The following NCALD variants were observed in gnomAD, a reference collection of about 807,000 sequenced individuals.
The protein encoded by NCALD is neurocalcin-delta.
NCALD carries 10 observed loss-of-function variants against 18.6 expected under a neutral mutation model. The observed-to-expected ratio is 0.54, with a 90% CI of 0.33 to 0.91. NCALD has a LOEUF of 0.91. Among genes scored for constraint, NCALD ranks in the 40% least tolerant of loss-of-function variants. NCALD has a pLI of 0.03. For synonymous variants in NCALD, 88 were observed against 87.4 expected, an observed-to-expected ratio of 1.01 and a Z score of -0.04; for missense variants, 184 against 247.6, an observed-to-expected ratio of 0.74 and a Z score of 1.72.
chr8:101,940,355 C>T (rs1035686949), intron 2 of NCALD, among the ~76,000 whole-genome samples: 2 of 152,132 alleles, frequency 1.3e-5, no homozygotes, highest in African/African-American at 2.4e-5. Context: ...TTTAGCGACA[C>T]CCTTATGTGG....
intron 2 of NCALD, among the ~76,000 whole-genome samples, chr8:101,938,768 T>A (rs1294651106): frequency 2.0e-5 from 3 of 152,108 alleles, no homozygotes; most frequent in Non-Finnish European, 4.4e-5. Flanking sequence ...GAAGCTGAGG[T>A]CAGACCCTCA....
chr8:101,692,031 A>G (rs1814753066), intron 3 of NCALD: 1 of 979,904 alleles, frequency 1.0e-6, no homozygotes, highest in African/African-American at 1.7e-5. Context: ...TTTGAATTTC[A>G]GATAAACAGC....
intron 1 of NCALD, among the ~76,000 whole-genome samples, chr8:102,049,494 G>A (rs1460875767): frequency 6.6e-6 from 1 of 152,200 alleles, no homozygotes; most frequent in Non-Finnish European, 1.5e-5. Flanking sequence ...CAACGTTGCT[G>A]TAAACATTCA....
chr8:101,801,014 G>A lies in NCALD; in HGVS notation c.-19-81366C>T, dbSNP rs79844663. On this transcript the variant is annotated intron_variant, in intron 4 of 6. Transcript: ENST00000311028. ...AAGAGGAAGGAAAGAAAACAAGGAA[G>A]GAAAGGGAAAGGATGAAGGAAAGAA... 7.7e-3 allele frequency among the ~76,000 whole-genome samples: 1,126 copies of A among 146,852 alleles called. 9 individuals carry two copies. Among genetic ancestry groups the A allele is most frequent in the Middle Eastern group, 0.045 (12 of 268 alleles).
chr8:101,979,897 A>T (rs112664562), intron 2 of NCALD, among the ~76,000 whole-genome samples: 2,374 of 152,316 alleles, frequency 0.016, 51 homozygotes, highest in African/African-American at 0.048. Context: ...CTTCAAGGAA[A>T]GGTGAAAATC....
At chr8:102,038,755 G>A (rs1307148488) in intron 1 of NCALD, among the ~76,000 whole-genome samples, 1 of 152,098 alleles carries the variant, frequency 6.6e-6, no homozygotes, top group Non-Finnish European at 1.5e-5. Flanking sequence ...GGCCCTCTGA[G>A]GTACACATCA....
intron 3 of NCALD, among the ~76,000 whole-genome samples, chr8:101,912,132 GAAAAT>G (rs1817822968): frequency 6.6e-6 from 1 of 151,876 alleles, no homozygotes; most frequent in African/African-American, 2.4e-5. Flanking sequence ...TAAAATTAGT[GAAAAT>G]AAATATTGAA....
chr8:101,930,489 T>C (rs1818533739), intron 2 of NCALD, among the ~76,000 whole-genome samples: 1 of 152,032 alleles, frequency 6.6e-6, no homozygotes, highest in South Asian at 2.1e-4. Context: ...CAGGGTGCCT[T>C]GAGCTCCTGA....
chr8:101,897,505 TTAAAG>T (rs1453590894), intron 3 of NCALD, among the ~76,000 whole-genome samples: 3 of 149,884 alleles, frequency 2.0e-5, no homozygotes, highest in African/African-American at 5.0e-5. Flanking sequence ...ACCCTAAAAC[TTAAAG>T]TATAATAAAA....
chr8:101,951,050 G>A (rs1448915142), intron 2 of NCALD, among the ~76,000 whole-genome samples: 1 of 152,178 alleles, frequency 6.6e-6, no homozygotes, highest in Non-Finnish European at 1.5e-5. Context: ...AAGCCATGCA[G>A]GCAATGCCAA....
intron 2 of NCALD, among the ~76,000 whole-genome samples, chr8:101,696,989 C>CA (rs1406889739): frequency 1.3e-5 from 2 of 151,496 alleles, no homozygotes; most frequent in Non-Finnish European, 2.9e-5. Context: ...AAAAACCCTT[C>CA]AAAAATCAAT....
intron 3 of NCALD, among the ~76,000 whole-genome samples, chr8:101,906,867 G>C (rs1817628060): frequency 6.6e-6 from 1 of 152,170 alleles, no homozygotes; most frequent in South Asian, 2.1e-4. Context: ...ATTTAAGGTG[G>C]TGCCACAAAA....
intron 1 of NCALD, 63 bp from the exon 2 acceptor site, chr8:101,719,711 A>C: frequency 1.4e-6 from 2 of 1,409,140 alleles, no homozygotes; most frequent in South Asian, 2.9e-5. Flanking sequence ...GCATTTTATA[A>C]TTTGTAATTG....
intron 4 of NCALD, among the ~76,000 whole-genome samples, chr8:101,830,809 C>T (rs1256144616): frequency 6.7e-6 from 1 of 149,216 alleles, no homozygotes; most frequent in Non-Finnish European, 1.5e-5. Flanking sequence ...GGTGCGATCT[C>T]GGCTCACTGC....
chr8:101,693,001 G>A, intron 2 of NCALD, 105 bp from the exon 3 acceptor site: 5 of 772,122 alleles, frequency 6.5e-6, no homozygotes, highest in South Asian at 1.5e-5. Context: ...GTCCCCATCC[G>A]CATTGGACCT....
intron 4 of NCALD, among the ~76,000 whole-genome samples, chr8:101,802,319 CT>C (rs889008081): frequency 2.0e-5 from 3 of 152,098 alleles, no homozygotes; most frequent in Admixed American, 2.0e-4. Flanking sequence ...TCGCCCTCCC[CT>C]GGAGCTTCCC....
At chr8:101,712,087 C>G (rs116268508) in intron 2 of NCALD, among the ~76,000 whole-genome samples, 2 of 152,118 alleles carry the variant, frequency 1.3e-5, no homozygotes, top group African/African-American at 4.8e-5. Flanking sequence ...AGAAACCTTA[C>G]AAGCCAGTGA....
intron 1 of NCALD, among the ~76,000 whole-genome samples, chr8:102,060,636 C>T (rs2132257009): frequency 6.6e-6 from 1 of 152,198 alleles, no homozygotes; most frequent in Non-Finnish European, 1.5e-5. Flanking sequence ...ACAGATCAGC[C>T]ACAGCATGTG....
intron 4 of NCALD, among the ~76,000 whole-genome samples, chr8:101,802,146 AT>A (rs1812892945): frequency 6.6e-6 from 1 of 152,052 alleles, no homozygotes; most frequent in African/African-American, 2.4e-5. Context: ...GTTTTTAAAC[AT>A]TTTTCATCTG....
Sources: gnomAD v4.1 joint callset for allele counts (sites outside exome capture counted in the v4.1 genomes callset) on GRCh38, gnomAD v4.1.1 for gene constraint, MANE v1.5 for transcripts, NCBI Gene and HGNC (gene_info 2026-07-23, HGNC 2026-07-21) for gene names.